The following UNC13C variants were observed in gnomAD, a reference collection of about 807,000 sequenced individuals.
UNC13C encodes protein unc-13 homolog C.
UNC13C carries 174 observed loss-of-function variants against 245.4 expected under a neutral mutation model. The observed-to-expected ratio is 0.71, with a 90% confidence interval of 0.63 to 0.80. UNC13C has a LOEUF of 0.80. UNC13C is among the 30% of genes least tolerant of loss of function. UNC13C has a pLI of 0.00. For synonymous variants in UNC13C, 992 were observed against 895.1 expected (o/e 1.11, Z -1.93); for missense variants, 2,829 against 2,602.9 (o/e 1.09, Z -1.89).
chr15:53,866,266 T>C, the UNC13C span, among the ~76,000 whole-genome samples: 4 of 152,188 alleles, frequency 2.6e-5, no homozygotes, highest in African/African-American at 7.2e-5. Flanking sequence ...ATATGTGCTA[T>C]ACATTTCACT....
chr15:54,402,081 A>C (rs1296550369), intron 18 of UNC13C, among the ~76,000 whole-genome samples: 7 of 149,508 alleles, frequency 4.7e-5, no homozygotes, highest in African/African-American at 1.7e-4. Context: ...AAAAAAAAAA[A>C]TGCTTTAATT....
At chr15:54,504,225 T>A (rs1446081931) in intron 22 of UNC13C, among the ~76,000 whole-genome samples, 1 of 152,160 alleles carries the variant, frequency 6.6e-6, no homozygotes, top group Non-Finnish European at 1.5e-5. Flanking sequence ...TGGGTATGAG[T>A]CTGGCTGTTT....
intron 2 of UNC13C, among the ~76,000 whole-genome samples, chr15:54,120,844 A>AG (rs2141193800): frequency 6.6e-6 from 1 of 152,210 alleles, no homozygotes; most frequent in Admixed American, 6.5e-5. Flanking sequence ...TAGAACTAAA[A>AG]AGAGAACTGG....
intron 4 of UNC13C, among the ~76,000 whole-genome samples, chr15:54,147,443 T>C (rs934232408): frequency 2.6e-5 from 4 of 151,990 alleles, no homozygotes; most frequent in Non-Finnish European, 4.4e-5. Context: ...ATGGTCTCGA[T>C]CTCCTGACCT....
At chr15:54,332,218 A>T (rs2038455470) in intron 15 of UNC13C, 107 bp downstream of exon 15, 3 of 752,852 alleles carry the variant, frequency 4.0e-6, no homozygotes, top group Middle Eastern at 3.1e-4. Context: ...AAAAATATTG[A>T]TCTCAGGTGC....
intron 19 of UNC13C, among the ~76,000 whole-genome samples, chr15:54,488,605 C>A (rs1212653978): frequency 6.6e-6 from 1 of 152,076 alleles, no homozygotes; most frequent in African/African-American, 2.4e-5. Context: ...CAGAAAAAAA[C>A]TCATGAATAA....
chr15:54,003,772 G>T (rs549748305), intron 1 of UNC13C, among the ~76,000 whole-genome samples: 1 of 152,250 alleles, frequency 6.6e-6, no homozygotes, highest in Non-Finnish European at 1.5e-5. Flanking sequence ...CAGCACTTTG[G>T]GAGGCCGAGG....
the UNC13C span, among the ~76,000 whole-genome samples, chr15:53,916,827 G>A: frequency 2.6e-5 from 4 of 152,152 alleles, no homozygotes; most frequent in African/African-American, 7.2e-5. Flanking sequence ...ATGTATTCCC[G>A]GATCGGATCC....
chr15:54,604,097 A>T lies in UNC13C; in HGVS notation c.6107-18230A>T, dbSNP rs74744942. On this transcript the variant is annotated intron_variant, in intron 30 of 32. Transcript: ENST00000260323. ...TTCACCCTCAGCTTGTTGATGTGAG[A>T]GCTGAACTCATGCCCATTTCTTTTT... Among the ~76,000 whole-genome samples the T allele has an allele frequency of 6.4e-3, 976 of 152,170 alleles. 17 individuals carry two copies. The highest frequency in any genetic ancestry group is 0.045 in the South Asian group (218 of 4,814).
chr15:54,553,048 T>G, intron 28 of UNC13C, among the ~76,000 whole-genome samples: 1 of 40,906 alleles, frequency 2.4e-5, no homozygotes, highest in South Asian at 8.0e-4. Flanking sequence ...ATATATTGTA[T>G]TCTATATTAC....
chr15:54,019,976 C>T (rs1395527329), intron 2 of UNC13C, among the ~76,000 whole-genome samples: 1 of 151,952 alleles, frequency 6.6e-6, no homozygotes, highest in Non-Finnish European at 1.5e-5. Context: ...TAATATATGC[C>T]CTTTAATAAA....
At chr15:54,304,071 G>A (rs781094257) in intron 13 of UNC13C, among the ~76,000 whole-genome samples, 49 of 151,600 alleles carry the variant, frequency 3.2e-4, no homozygotes, top group African/African-American at 1.1e-3. Flanking sequence ...TTCTGTAAAG[G>A]GCCAGATAGT....
chr15:54,453,818 A>G (rs1455041728), intron 19 of UNC13C, among the ~76,000 whole-genome samples: 1 of 152,208 alleles, frequency 6.6e-6, no homozygotes, highest in Non-Finnish European at 1.5e-5. Context: ...TTTTTAATGT[A>G]GGTGAAATAC....
rs536680447 is a variant in UNC13C at position 54,013,916 on chromosome 15, T to G, written c.1013T>G (p.Val338Gly). Residue 338 changes from valine (V) to glycine (G), a missense_variant, in exon 2 of 33, where the codon GTG becomes GGG. Val to Gly is a moderately radical substitution (Grantham distance 109). Coordinates refer to ENST00000260323, the MANE Select transcript of UNC13C (RefSeq NM_001080534.3). ...EERFEYVESV[V>G]YQILIDKMGF... ...AGATTTGAATATGTTGAAAGCGTGG[T>G]GTACCAAATTCTAATAGATAAAATG... is the stretch of plus-strand genomic sequence containing the variant. 1.2e-6 allele frequency: 2 copies of G among 1,613,096 alleles called. No homozygotes were observed.
At chr15:54,618,614 C>A (rs376596432) in intron 30 of UNC13C, among the ~76,000 whole-genome samples, 27 of 152,134 alleles carry the variant, frequency 1.8e-4, no homozygotes, top group Non-Finnish European at 3.2e-4. Context: ...CTGGGATAGA[C>A]AATTGACAAA....
intron 4 of UNC13C, 135 bp downstream of exon 4, chr15:54,143,819 G>T (rs1038018416): frequency 1.6e-5 from 9 of 578,492 alleles, no homozygotes; most frequent in African/African-American, 1.5e-4. Flanking sequence ...CAATAAAGTT[G>T]ACATTATAGT....
chr15:54,142,304 C>T (rs929851212), intron 2 of UNC13C, among the ~76,000 whole-genome samples: 1 of 152,190 alleles, frequency 6.6e-6, no homozygotes, highest in Non-Finnish European at 1.5e-5. Context: ...AAGCACCCTT[C>T]ACTGTTCTGT....
At chr15:54,393,622 A>G (rs2040009269) in intron 18 of UNC13C, among the ~76,000 whole-genome samples, 1 of 151,934 alleles carries the variant, frequency 6.6e-6, no homozygotes, top group Middle Eastern at 3.2e-3. Context: ...AACAAATTTA[A>G]TAACATATTT....
chr15:54,221,931 T>C (rs961847980), intron 4 of UNC13C, among the ~76,000 whole-genome samples: 1 of 152,044 alleles, frequency 6.6e-6, no homozygotes, highest in South Asian at 2.1e-4. Context: ...CTTGATAGTT[T>C]TTTGGGAATT....
Sources: allele counts gnomAD v4.1 joint callset (sites outside exome capture counted in the v4.1 genomes callset), GRCh38; gene constraint gnomAD v4.1.1; transcripts MANE v1.5; gene names NCBI Gene and HGNC (gene_info 2026-07-23, HGNC 2026-07-21).